TAF2: variants seen among roughly 807,000 people sequenced by gnomAD.
TAF2 encodes transcription initiation factor TFIID subunit 2.
Under a neutral mutation model 138.5 loss-of-function variants are expected in TAF2, and 61 were observed. The ratio of observed to expected loss-of-function variants is 0.44; its 90% CI spans 0.36 to 0.54. The LOEUF is 0.54. Ranked by LOEUF, TAF2 falls within the 20% of genes least tolerant of loss-of-function variation. TAF2 has a pLI of 0.00. For synonymous variants in TAF2, 475 were observed against 469.9 expected, an observed-to-expected ratio of 1.01 and a Z score of -0.14; for missense variants, 1,090 against 1,427.9, an observed-to-expected ratio of 0.76 and a Z score of 3.81.
chr8:119,756,624 G>C (rs568203396), intron 21 of TAF2, among the ~76,000 whole-genome samples: 2 of 152,242 alleles, frequency 1.3e-5, no homozygotes, highest in South Asian at 4.1e-4. Flanking sequence ...GTAAAACATG[G>C]AAATGTGCAG....
intron 2 of TAF2, among the ~76,000 whole-genome samples, chr8:119,823,062 TTCTC>T (rs1160475105): frequency 2.0e-5 from 3 of 152,194 alleles, no homozygotes; most frequent in Non-Finnish European, 4.4e-5. Context: ...ATCACTGTTT[TTCTC>T]TCTCCTATAA....
intron 2 of TAF2, among the ~76,000 whole-genome samples, chr8:119,827,965 A>G (rs563795703): frequency 2.6e-5 from 4 of 152,154 alleles, no homozygotes; most frequent in Admixed American, 6.5e-5. Flanking sequence ...GGTTGGTCTC[A>G]AACTCCTGAC....
At chr8:119,768,760 C>T (rs1173698855) in intron 18 of TAF2, among the ~76,000 whole-genome samples, 1 of 152,190 alleles carries the variant, frequency 6.6e-6, no homozygotes, top group African/African-American at 2.4e-5. Context: ...GAGCCCCTCT[C>T]CCTCTCTGCT....
Position 119,832,606 on chromosome 8 carries a change from G to T in TAF2, c.-42C>A. 1 of 1,579,336 alleles carries T rather than the reference G, an allele frequency of 6.3e-7. No individual in the cohort carries two copies. The highest frequency in any genetic ancestry group is 8.7e-7 in the Non-Finnish European group (1 of 1,154,144). The stretch of plus-strand genomic sequence containing the variant: ...GCTTGGCTTCCCGGCTTCCTAGGGG[G>T]ATACGGGGCATTACTAGTCTTTGGC... On this transcript the variant is annotated 5_prime_UTR_variant, in exon 1 of 26. Coordinates refer to ENST00000378164, the MANE Select transcript of TAF2 (RefSeq NM_003184.4).
intron 18 of TAF2, among the ~76,000 whole-genome samples, chr8:119,765,433 G>C (rs1195416226): frequency 6.6e-6 from 1 of 152,142 alleles, no homozygotes; most frequent in Non-Finnish European, 1.5e-5. Context: ...ATAGGTAGAG[G>C]AAGGAGAAAG....
At chr8:119,736,483 A>C (rs960377233) in intron 25 of TAF2, among the ~76,000 whole-genome samples, 4 of 152,236 alleles carry the variant, frequency 2.6e-5, no homozygotes, top group Non-Finnish European at 4.4e-5. Flanking sequence ...GATAAGGACA[A>C]TAATTGTGAT....
At position 119,746,894 on chromosome 8, in the gene TAF2, G is replaced by C; in HGVS notation, c.2919C>G (p.Asp973Glu). The change falls in exon 23 of 26, where the codon GAC becomes GAG. Residue 973 changes from aspartate to glutamate, a missense_variant. Around this residue, in one of 3 missense-constraint regions of TAF2, gnomAD observed 580 missense variants for 719.6 expected, o/e 0.81. Coordinates refer to ENST00000378164, the MANE Select transcript of TAF2 (RefSeq NM_003184.4). ...HDWRLRCGAVDLYFTLFGLSR... is the reference protein window; with the variant it reads ...HDWRLRCGAVELYFTLFGLSR... ...TGAGGCCAAAAAGTGTGAAGTACAAGTCCACAGCACCACACCGTAACCTCC... is the reference window on the plus strand; with the variant it reads ...TGAGGCCAAAAAGTGTGAAGTACAACTCCACAGCACCACACCGTAACCTCC... 1 of 1,614,094 alleles carries C rather than the reference G, an allele frequency of 6.2e-7. No homozygotes were observed. The highest frequency in any genetic ancestry group is 8.5e-7 in the Non-Finnish European group (1 of 1,180,004).
Position 119,820,500 on chromosome 8 carries a change from G to A in TAF2, c.139-994C>T, listed in dbSNP as rs548270644. On this transcript the variant is annotated intron_variant, in intron 2 of 25. Transcript: ENST00000378164. The stretch of plus-strand genomic sequence containing the variant: ...CAAGTACTACTTTATACTTTCTACA[G>A]AGAAGCTACAAATACTACTGTACAG... Among the ~76,000 whole-genome samples the A allele has an allele frequency of 7.2e-5, 11 of 152,214 alleles. No individual in the cohort carries two copies. The South Asian group carries it at 2.1e-3, about 29-fold the overall frequency.
Position 119,785,393 on chromosome 8 carries a change from A to G in TAF2, c.1794-127T>C, listed in dbSNP as rs534967764. 7.6e-5 allele frequency: 50 copies of G among 655,926 alleles called. No homozygotes were observed. The African/African-American group carries it at 8.4e-4, about 11-fold the overall frequency. The allele number at this position is 655,926 out of a possible 1,614,324, so 40.6% of individuals were successfully genotyped here. On this transcript the variant is annotated intron_variant, in intron 14 of 25. Transcript: ENST00000378164. Reference sequence around the variant, plus strand: ...AAAGCTATCCTTAGGAAAAATGGCTATCAAATGTAATAAAATTTAAATAGA... The same window carrying G: ...AAAGCTATCCTTAGGAAAAATGGCTGTCAAATGTAATAAAATTTAAATAGA...
intron 25 of TAF2, among the ~76,000 whole-genome samples, chr8:119,736,119 C>A (rs1164668810): frequency 2.6e-5 from 4 of 152,238 alleles, no homozygotes; most frequent in African/African-American, 9.6e-5. Flanking sequence ...GCACAGGCAA[C>A]TGCCTAATGG....
chr8:119,803,379 GAGA>G (rs1057459944), intron 5 of TAF2, among the ~76,000 whole-genome samples: 2 of 152,152 alleles, frequency 1.3e-5, no homozygotes, highest in African/African-American at 4.8e-5. Context: ...GAAAATGAGA[GAGA>G]AGAAGGGAGA....
chr8:119,784,210 T>C (rs1822863961), intron 15 of TAF2, among the ~76,000 whole-genome samples: 1 of 152,172 alleles, frequency 6.6e-6, no homozygotes, highest in African/African-American at 2.4e-5. Flanking sequence ...TCAGCAAATA[T>C]TATTGTGTAC....
At chr8:119,789,236 C>A (rs1236860790) in intron 12 of TAF2, among the ~76,000 whole-genome samples, 1 of 152,148 alleles carries the variant, frequency 6.6e-6, no homozygotes, top group Non-Finnish European at 1.5e-5. Flanking sequence ...CTAATCACAT[C>A]CACAAGTCAC....
Position 119,762,416 on chromosome 8 carries a change from T to C in TAF2, c.2557A>G (p.Ser853Gly). 1.2e-6 allele frequency: 2 copies of C among 1,612,744 alleles called. No individual in the cohort carries two copies. The change falls in exon 19 of 26, where the codon AGT (serine) becomes GGT (glycine). Residue 853 changes from serine to glycine, a missense_variant and splice_region_variant. By Grantham distance (56) the Ser-to-Gly change is moderately conservative. Transcript: ENST00000378164. ...TTAAAGTAAGGAATTTAATCATACC[T>C]GACAGTGATGGTATGCCTGTAACTC... ...LPSYRHTITVSCLRAIRVLQK... is the reference protein window; with the variant it reads ...LPSYRHTITVGCLRAIRVLQK...
intron 18 of TAF2, among the ~76,000 whole-genome samples, chr8:119,763,966 T>C (rs570607036): frequency 5.1e-4 from 78 of 152,102 alleles, no homozygotes; most frequent in African/African-American, 1.8e-3. Flanking sequence ...CTGACCAACA[T>C]GGTGAAACCC....
chr8:119,796,945 A>G, intron 8 of TAF2, 45 bp downstream of exon 8: 1 of 1,372,610 alleles, frequency 7.3e-7, no homozygotes, highest in Middle Eastern at 1.8e-4. Context: ...AAAGAAAAAT[A>G]AACTTGATTC....
At chr8:119,781,875 A>G (rs1563869579) in intron 16 of TAF2, among the ~76,000 whole-genome samples, 1 of 152,120 alleles carries the variant, frequency 6.6e-6, no homozygotes, top group Middle Eastern at 3.4e-3. Flanking sequence ...TTTGGTAGAG[A>G]TGGGGTTTCA....
Position 119,765,667 on chromosome 8 carries a change from A to C in TAF2, c.2365-3059T>G, listed in dbSNP as rs114621868. On this transcript the variant is annotated intron_variant, in intron 18 of 25. Transcript: ENST00000378164. Reference sequence around the variant, plus strand: ...TTTTAAGAAGGGAATTTTTTTAAGGAGGAAAGAAATTCAGGTGAGCTCCAT... The same window carrying C: ...TTTTAAGAAGGGAATTTTTTTAAGGCGGAAAGAAATTCAGGTGAGCTCCAT... Among the ~76,000 whole-genome samples, 1,458 of 152,284 alleles carry C rather than the reference A, an allele frequency of 9.6e-3. 17 individuals carry two copies. Among genetic ancestry groups the C allele is most frequent in the African/African-American group, 0.034 (1,406 of 41,562 alleles).
intron 25 of TAF2, among the ~76,000 whole-genome samples, chr8:119,739,180 C>T (rs1175101394): frequency 6.6e-6 from 1 of 152,098 alleles, no homozygotes; most frequent in Non-Finnish European, 1.5e-5. Context: ...TTCCCCTTGC[C>T]CGGCCTCTCT....
Sources: allele counts gnomAD v4.1 joint callset (sites outside exome capture counted in the v4.1 genomes callset), GRCh38; gene constraint gnomAD v4.1.1; regional missense constraint gnomAD v4.1.1; transcripts MANE v1.5; gene names NCBI Gene and HGNC (gene_info 2026-07-23, HGNC 2026-07-21).